Variants in NIPBL observed in about 807,000 individuals in gnomAD.
NIPBL encodes NIPBL cohesin loading factor.
In NIPBL, 19 loss-of-function variants were observed where a neutral mutation model predicts 321.8. The observed-to-expected ratio is 0.06, with a 90% CI of 0.04 to 0.09. The LOEUF (loss-of-function observed/expected upper bound fraction) is 0.09. NIPBL is among the 10% of genes least tolerant of loss of function. The pLI is 1.00. For missense variants in NIPBL, 2,210 were observed against 3,327.0 expected, an observed-to-expected ratio of 0.66 and a Z score of 8.26; for synonymous variants, 1,106 against 1,114.1, an observed-to-expected ratio of 0.99 and a Z score of 0.14.
intron 15 of NIPBL, 64 bp from the exon 16 acceptor site, chr5:37,003,197 T>G (rs1056107419): frequency 1.1e-6 from 1 of 945,748 alleles, no homozygotes. Context: ...ATTGTACAGA[T>G]TGTTTCTTGA....
intron 1 of NIPBL, among the ~76,000 whole-genome samples, chr5:36,894,205 G>A (rs754784782): frequency 6.6e-6 from 1 of 151,984 alleles, no homozygotes; most frequent in Non-Finnish European, 1.5e-5. Flanking sequence ...GGATTATTAG[G>A]AAGGAAGGTA....
At chr5:36,928,756 C>T (rs951443785) in intron 1 of NIPBL, among the ~76,000 whole-genome samples, 6 of 152,082 alleles carry the variant, frequency 3.9e-5, no homozygotes, top group Non-Finnish European at 7.4e-5. Flanking sequence ...GACATTTCAT[C>T]TAAAAAGAAT....
intron 6 of NIPBL, among the ~76,000 whole-genome samples, chr5:36,964,626 C>CT (rs1420539321): frequency 6.6e-6 from 1 of 152,014 alleles, no homozygotes; most frequent in East Asian, 1.9e-4. Context: ...GTGCAAAATA[C>CT]TTTCTGTTTA....
intron 3 of NIPBL, among the ~76,000 whole-genome samples, chr5:36,957,157 A>T (rs1019855805): frequency 6.6e-6 from 1 of 152,136 alleles, no homozygotes; most frequent in Admixed American, 6.5e-5. Context: ...AACACTGCCT[A>T]TACTTAATTT....
At chr5:37,033,825 C>G (rs12517860) in intron 32 of NIPBL, among the ~76,000 whole-genome samples, 1 of 146,008 alleles carries the variant, frequency 6.8e-6, no homozygotes, top group Non-Finnish European at 1.5e-5. Context: ...ACCTCAGCCT[C>G]TTGAGTAGCT....
At chr5:37,039,971 ATGTAT>A (rs1181747572) in intron 34 of NIPBL, among the ~76,000 whole-genome samples, 1 of 152,126 alleles carries the variant, frequency 6.6e-6, no homozygotes, top group Non-Finnish European at 1.5e-5. Context: ...AAAATTTTAC[ATGTAT>A]TATCTCATTA....
At chr5:36,896,892 A>T (rs140449927) in intron 1 of NIPBL, among the ~76,000 whole-genome samples, 1 of 152,052 alleles carries the variant, frequency 6.6e-6, no homozygotes, top group East Asian at 1.9e-4. Context: ...GACCCACCAC[A>T]CCTGGCCAGT....
At chr5:36,968,397 TGTG>T (rs1742476859) in intron 6 of NIPBL, among the ~76,000 whole-genome samples, 1 of 151,902 alleles carries the variant, frequency 6.6e-6, no homozygotes, top group African/African-American at 2.4e-5. Context: ...GTGAAACCCG[TGTG>T]TACTAAAAAT....
intron 29 of NIPBL, among the ~76,000 whole-genome samples, chr5:37,023,468 T>C (rs1254987035): frequency 6.6e-6 from 1 of 152,190 alleles, no homozygotes; most frequent in Non-Finnish European, 1.5e-5. Flanking sequence ...ACCTCCATAC[T>C]TCATCTGTAC....
At chr5:37,022,443 AT>A in intron 29 of NIPBL, 53 bp downstream of exon 29, 1 of 1,512,752 alleles carries the variant, frequency 6.6e-7, no homozygotes. Context: ...CCTTTCAAGC[AT>A]CATGTTTTGT....
In NIPBL at chr5:36,986,007, A is replaced by C. The variant is rs1744753403; in HGVS notation, c.2827A>C (p.Ser943Arg). The C allele has an allele frequency of 6.2e-7, 1 of 1,613,882 alleles. No homozygotes were observed. Among genetic ancestry groups the C allele is most frequent in the Non-Finnish European group, 8.5e-7 (1 of 1,179,944 alleles). ...CCCTGACAATAAGGCAGAATTTCCA[A>C]GTTATTTGTTGGGGGGCAGGTCTGG... ...AHPDNKAEFP[S>R]YLLGGRSGAL... Residue 943 changes from serine to arginine, a missense_variant, in exon 10 of 47, where the codon AGT (serine) becomes CGT (arginine). Ser to Arg is a moderately radical substitution (Grantham distance 110, BLOSUM62 -1). Transcript: ENST00000282516.
chr5:37,035,793 T>C (rs6863554), intron 32 of NIPBL, among the ~76,000 whole-genome samples: 1,640 of 152,330 alleles, frequency 0.011, 37 homozygotes, highest in African/African-American at 0.037. Context: ...AAAACAGATA[T>C]ACCTTATGAC....
rs1028306517 is a variant in NIPBL, at chr5:37,065,663, T to A, written c.*771T>A. The stretch of plus-strand genomic sequence containing the variant: ...TTGTATAGGCTGACTTCTGAATAAT[T>A]GGTATCTATTATTTTCATTCCCATA... On this transcript the variant is annotated 3_prime_UTR_variant, in exon 47 of 47. Transcript: ENST00000282516. The A allele has an allele frequency of 1.3e-5, 2 of 152,636 alleles. No individual in the cohort carries two copies. The highest frequency in any genetic ancestry group is 2.9e-5 in the Non-Finnish European group (2 of 68,032). The allele number at this position is 152,636 out of a possible 1,614,324, so 9.5% of individuals were successfully genotyped here. A position where few individuals can be genotyped will look rare whatever the true frequency, so the allele number is the denominator to read the frequency against.
intron 16 of NIPBL, 149 bp from the exon 17 acceptor site, chr5:37,006,208 A>G (rs1449018635): frequency 2.8e-5 from 18 of 633,742 alleles, no homozygotes; most frequent in South Asian, 1.5e-4. Context: ...AAGTAGTATC[A>G]GTATTTGTAC....
intron 45 of NIPBL, among the ~76,000 whole-genome samples, chr5:37,063,334 A>G (rs980190495): frequency 5.9e-5 from 9 of 152,356 alleles, no homozygotes; most frequent in African/African-American, 2.2e-4. Context: ...GTTCTTATTT[A>G]AAATTTTTCA....
chr5:36,984,772 C>T lies in NIPBL; in HGVS notation c.1592C>T (p.Thr531Met), dbSNP rs369473705. Residue 531 changes from threonine to methionine, a missense_variant, in exon 10 of 47, where the codon ACG becomes ATG. Around this residue, in one of 14 missense-constraint regions of NIPBL, gnomAD observed 588 missense variants for 564.1 expected, o/e 1.04. Transcript: ENST00000282516. ...CCAGCTTCTCAGGAGACGGGTTCTA[C>T]GGGAAATGGGTCAAGGCCAGCATTA... ...NRPASQETGSTGNGSRPALMV... is the reference protein window; with the variant it reads ...NRPASQETGSMGNGSRPALMV... 9.3e-6 allele frequency: 15 copies of T among 1,613,592 alleles called. No individual in the cohort carries two copies. Among genetic ancestry groups the T allele is most frequent in the South Asian group, 4.4e-5 (4 of 91,062 alleles).
intron 1 of NIPBL, among the ~76,000 whole-genome samples, chr5:36,884,417 A>G (rs886492206): frequency 3.3e-5 from 5 of 152,190 alleles, no homozygotes; most frequent in Admixed American, 2.6e-4. Flanking sequence ...CTATAGACAT[A>G]TATTACTTTT....
intron 27 of NIPBL, among the ~76,000 whole-genome samples, 159 bp downstream of exon 27, chr5:37,021,036 C>T (rs1463334426): frequency 3.3e-5 from 5 of 152,238 alleles, no homozygotes; most frequent in South Asian, 2.1e-4. Flanking sequence ...TAGTGGCTCA[C>T]GCCTGTAATC....
chr5:36,891,077 A>G (rs1746296041), intron 1 of NIPBL, among the ~76,000 whole-genome samples: 1 of 152,122 alleles, frequency 6.6e-6, no homozygotes, highest in African/African-American at 2.4e-5. Flanking sequence ...CATCCTAGCT[A>G]ACACAGTGAA....
Sources: allele counts gnomAD v4.1 joint callset (sites outside exome capture counted in the v4.1 genomes callset), GRCh38; gene constraint gnomAD v4.1.1; regional missense constraint gnomAD v4.1.1; transcripts MANE v1.5; gene names NCBI Gene and HGNC (gene_info 2026-07-23, HGNC 2026-07-21).